ANGPT1: variants seen among roughly 807,000 people sequenced by gnomAD.
The protein encoded by ANGPT1 is angiopoietin 1, also known as angiopoietin-1.
ANGPT1 carries 17 observed loss-of-function variants against 62.2 expected under a neutral mutation model. The observed-to-expected ratio is 0.27, with a 90% confidence interval of 0.19 to 0.41. ANGPT1 has a LOEUF of 0.41. Among genes scored for constraint, ANGPT1 ranks in the 10% least tolerant of loss-of-function variants. The pLI is 1.00. For missense variants in ANGPT1, 478 were observed against 594.9 expected, an observed-to-expected ratio of 0.80 and a Z score of 2.04; for synonymous variants, 199 against 198.9, an observed-to-expected ratio of 1.00 and a Z score of 0.00.
chr8:107,450,925 T>C (rs569325301), intron 1 of ANGPT1, among the ~76,000 whole-genome samples: 23 of 151,946 alleles, frequency 1.5e-4, no homozygotes, highest in African/African-American at 5.3e-4. Context: ...TCACAGTTAG[T>C]ATTATATTGC....
chr8:107,434,667 T>C (rs938615193), intron 1 of ANGPT1, among the ~76,000 whole-genome samples: 3 of 152,222 alleles, frequency 2.0e-5, no homozygotes, highest in Non-Finnish European at 4.4e-5. Context: ...GGCCTAGCTC[T>C]AACCCTGATT....
chr8:107,452,118 A>T (rs1304259327), intron 1 of ANGPT1, among the ~76,000 whole-genome samples: 1 of 151,766 alleles, frequency 6.6e-6, no homozygotes, highest in Admixed American at 6.6e-5. Flanking sequence ...ACTTAAAAAG[A>T]TAAAATCAAC....
intron 1 of ANGPT1, among the ~76,000 whole-genome samples, chr8:107,400,765 G>C (rs1817031562): frequency 6.6e-6 from 1 of 151,888 alleles, no homozygotes; most frequent in Non-Finnish European, 1.5e-5. Flanking sequence ...TCACCATATT[G>C]GTCAGGCTAG....
At position 107,266,073 on chromosome 8, in the gene ANGPT1, T is replaced by C. The variant is rs557485835; in HGVS notation, c.1206-1722A>G. ...AATCTTCTAATGTTGAATTATCACA[T>C]ACAAGCTTGTATTTTAAAACTCTGA... On this transcript the variant is annotated intron_variant, in intron 7 of 8. Coordinates refer to ENST00000517746, the MANE Select transcript of ANGPT1 (RefSeq NM_001146.5). Among the ~76,000 whole-genome samples, 14 of 152,308 alleles carry C rather than the reference T, an allele frequency of 9.2e-5. No homozygotes were observed. In the South Asian group the frequency reaches 2.5e-3, roughly 27 times the overall value.
At chr8:107,260,285 G>A (rs993161955) in intron 8 of ANGPT1, among the ~76,000 whole-genome samples, 1 of 152,006 alleles carries the variant, frequency 6.6e-6, no homozygotes, top group African/African-American at 2.4e-5. Flanking sequence ...TAGTTAGTGG[G>A]CAATAAATCT....
At chr8:107,396,080 G>A (rs1437499441) in intron 1 of ANGPT1, among the ~76,000 whole-genome samples, 1 of 152,160 alleles carries the variant, frequency 6.6e-6, no homozygotes, top group East Asian at 1.9e-4. Flanking sequence ...TTGATGGAGA[G>A]ACCATGATCT....
At chr8:107,382,797 G>A (rs16876199) in intron 1 of ANGPT1, among the ~76,000 whole-genome samples, 15,195 of 152,068 alleles carry the variant, frequency 0.1, 1,284 homozygotes, top group East Asian at 0.48. Flanking sequence ...AGCAGGAATG[G>A]CCAAGTTGGG....
intron 3 of ANGPT1, among the ~76,000 whole-genome samples, chr8:107,329,663 G>C (rs114962765): frequency 1.4e-5 from 2 of 147,854 alleles, no homozygotes; most frequent in East Asian, 1.9e-4. Context: ...GTGTGTGTGT[G>C]AGTCTTTGTG....
At chr8:107,445,916 TTAAC>T (rs989223526) in intron 1 of ANGPT1, among the ~76,000 whole-genome samples, 9 of 152,258 alleles carry the variant, frequency 5.9e-5, no homozygotes, top group Non-Finnish European at 1.0e-4. Flanking sequence ...AATTAATTAA[TTAAC>T]TAATTTATGT....
intron 1 of ANGPT1, among the ~76,000 whole-genome samples, chr8:107,388,340 A>G (rs966915783): frequency 6.6e-6 from 1 of 152,108 alleles, no homozygotes; most frequent in Non-Finnish European, 1.5e-5. Flanking sequence ...ACTTGAGCCC[A>G]AGAATTTTAG....
At chr8:107,466,245 T>C (rs1034316809) in intron 1 of ANGPT1, among the ~76,000 whole-genome samples, 1 of 152,182 alleles carries the variant, frequency 6.6e-6, no homozygotes, top group Non-Finnish European at 1.5e-5. Context: ...CTGTTTATCC[T>C]ATTGTCTTGG....
chr8:107,417,847 GAAC>G (rs891376743), intron 1 of ANGPT1, among the ~76,000 whole-genome samples: 115 of 152,294 alleles, frequency 7.6e-4, no homozygotes, highest in African/African-American at 2.6e-3. Flanking sequence ...TTGCAACATT[GAAC>G]AACATTGACA....
chr8:107,415,884 A>T (rs1301821679), intron 1 of ANGPT1, among the ~76,000 whole-genome samples: 1 of 152,150 alleles, frequency 6.6e-6, no homozygotes, highest in Non-Finnish European at 1.5e-5. Context: ...TAACGGAGCT[A>T]TAAAAGTAAG....
chr8:107,313,447 T>TTG (rs1488189325), intron 4 of ANGPT1, among the ~76,000 whole-genome samples: 11 of 131,692 alleles, frequency 8.4e-5, no homozygotes, highest in Non-Finnish European at 1.6e-4. Context: ...TTTTTTTTTT[T>TTG]TTTTTTTTTT....
At chr8:107,403,197 C>A (rs994096963) in intron 1 of ANGPT1, among the ~76,000 whole-genome samples, 1 of 152,094 alleles carries the variant, frequency 6.6e-6, no homozygotes, top group Non-Finnish European at 1.5e-5. Flanking sequence ...GGTCACAAGA[C>A]AGCTCCTGTA....
chr8:107,461,726 G>A (rs1399699214), intron 1 of ANGPT1, among the ~76,000 whole-genome samples: 1 of 151,952 alleles, frequency 6.6e-6, no homozygotes, highest in African/African-American at 2.4e-5. Flanking sequence ...ACAAATTCTG[G>A]ATGCTAATTA....
chr8:107,476,954 C>G (rs1331904876), intron 1 of ANGPT1, among the ~76,000 whole-genome samples: 1 of 152,020 alleles, frequency 6.6e-6, no homozygotes, highest in Non-Finnish European at 1.5e-5. Context: ...TTGCTTATTT[C>G]TGTATTACTT....
chr8:107,322,258 G>T, intron 3 of ANGPT1, 130 bp from the exon 4 acceptor site: 1 of 679,012 alleles, frequency 1.5e-6, no homozygotes, highest in Non-Finnish European at 2.4e-6. Context: ...ATTTTTAAGT[G>T]AGAGACTTAA....
intron 1 of ANGPT1, among the ~76,000 whole-genome samples, chr8:107,365,425 CT>C (rs1463260783): frequency 1.3e-5 from 2 of 152,116 alleles, no homozygotes; most frequent in East Asian, 3.9e-4. Context: ...TAAAAACGTC[CT>C]TGTGGATGCT....
Sources: allele counts gnomAD v4.1 joint callset (sites outside exome capture counted in the v4.1 genomes callset), GRCh38; gene constraint gnomAD v4.1.1; transcripts MANE v1.5; gene names NCBI Gene and HGNC (gene_info 2026-07-23, HGNC 2026-07-21).